Variants in XRRA1 observed in about 807,000 individuals in gnomAD.
XRRA1 encodes the protein X-ray radiation resistance-associated protein 1.
A neutral mutation model predicts 80.2 loss-of-function variants in XRRA1; 69 were observed. The observed-to-expected ratio is 0.86, with a 90% CI of 0.71 to 1.05. XRRA1 has a LOEUF of 1.05. Among genes scored for constraint, XRRA1 ranks in the 50% least tolerant of loss-of-function variants. XRRA1 has a pLI of 0.00. For missense variants in XRRA1, 967 were observed against 976.4 expected (o/e 0.99, Z 0.13); for synonymous variants, 348 against 389.9 (o/e 0.89, Z 1.27).
At chr11:74,859,643 T>G (rs1447946072) in intron 11 of XRRA1, among the ~76,000 whole-genome samples, 1 of 152,054 alleles carries the variant, frequency 6.6e-6, no homozygotes, top group Non-Finnish European at 1.5e-5. Context: ...TCTACACAGT[T>G]GGGCTAAAAT....
At chr11:74,887,205 C>G (rs1049453592) in intron 10 of XRRA1, among the ~76,000 whole-genome samples, 3 of 152,152 alleles carry the variant, frequency 2.0e-5, no homozygotes, top group Non-Finnish European at 4.4e-5. Flanking sequence ...GTGACAGAAA[C>G]AGTAATTGAC....
chr11:74,841,038 C>T lies in XRRA1; in HGVS notation c.*2162G>A, dbSNP rs988438323. 2 of 151,898 alleles carry T rather than the reference C, an allele frequency of 1.3e-5. No homozygotes were observed. Among genetic ancestry groups the T allele is most frequent in the South Asian group, 2.1e-4 (1 of 4,816 alleles). 9.4% of individuals were successfully genotyped at this position (151,898 alleles called of 1,614,324 possible). On this transcript the variant is annotated 3_prime_UTR_variant, in exon 19 of 19. Transcript: ENST00000684022. ...GAATACATGCTCAGGTAGAGAAAGTCTCCATAGTATAAGTAAGTAATATGA... is the reference window on the plus strand; with the variant it reads ...GAATACATGCTCAGGTAGAGAAAGTTTCCATAGTATAAGTAAGTAATATGA...
intron 10 of XRRA1, among the ~76,000 whole-genome samples, chr11:74,888,725 G>A (rs979660497): frequency 6.6e-6 from 1 of 152,178 alleles, no homozygotes; most frequent in Non-Finnish European, 1.5e-5. Context: ...GTCCTTAAAG[G>A]ACCTGATGGA....
intron 10 of XRRA1, chr11:74,876,591 A>G (rs1357761520): frequency 6.6e-6 from 1 of 152,048 alleles, no homozygotes; most frequent in Non-Finnish European, 1.5e-5. Flanking sequence ...ACCTAAGCCC[A>G]AGTTAGGAAG....
Position 74,920,735 on chromosome 11 carries a change from T to C in XRRA1, c.656+479A>G, listed in dbSNP as rs540587842. 4.6e-5 allele frequency among the ~76,000 whole-genome samples: 7 copies of C among 152,376 alleles called. No homozygotes were observed. In the South Asian group the frequency reaches 1.5e-3, roughly 32 times the overall value. ...AAAATGTGGATAATAATAGGAGACC[T>C]ACCTCACAGAGCTGTTATGAGGATT... On this transcript the variant is annotated intron_variant, in intron 8 of 18. Transcript: ENST00000684022.
chr11:74,906,532 A>G, intron 9 of XRRA1, 76 bp from the exon 10 acceptor site: 1 of 1,500,706 alleles, frequency 6.7e-7, no homozygotes, highest in East Asian at 2.3e-5. Flanking sequence ...AACTTTAGGG[A>G]AAAAACATGG....
intron 10 of XRRA1, among the ~76,000 whole-genome samples, chr11:74,897,787 G>T (rs2052711947): frequency 6.7e-6 from 1 of 148,514 alleles, no homozygotes; most frequent in Non-Finnish European, 1.5e-5. Context: ...GCATGAAGGA[G>T]AAATAAAAAC....
At chr11:74,882,774 A>C (rs2047976329) in intron 10 of XRRA1, among the ~76,000 whole-genome samples, 1 of 152,156 alleles carries the variant, frequency 6.6e-6, no homozygotes, top group Non-Finnish European at 1.5e-5. Flanking sequence ...CTGCCGTGTG[A>C]GGTGTCAGTG....
rs1216056598 is a variant in XRRA1, at chr11:74,940,778, A to G, written c.94+7T>C. 1 of 1,597,840 alleles carries G rather than the reference A, an allele frequency of 6.3e-7. No homozygotes were observed. The highest frequency in any genetic ancestry group is 2.3e-5 in the East Asian group (1 of 44,304). On this transcript the variant is annotated splice_region_variant and intron_variant, in intron 3 of 18. Transcript: ENST00000684022. ...GGAAAAGGTAGCTATTTGAGAAGTC[A>G]CCTGACCTTCCTCCGGCACGCGAAG...
At position 74,843,368 on chromosome 11, in the gene XRRA1, C is replaced by T. The variant is rs1310234480; in HGVS notation, c.2235G>A (p.Gln745=). The T allele has an allele frequency of 6.2e-7, 1 of 1,611,960 alleles. No homozygotes were observed. The highest frequency in any genetic ancestry group is 1.3e-5 in the African/African-American group (1 of 74,892). The change falls in exon 19 of 19, where the codon CAG becomes CAA. Residue 745 remains glutamine, a synonymous_variant. Coordinates refer to ENST00000684022, the MANE Select transcript of XRRA1 (RefSeq NM_001378157.1). ...LEAKRLLKEF[Q]ARYRQLVSGS... Reference sequence around the variant, plus strand: ...CACTCACCAGCTGCCGGTAACGTGCCTGGAACTCCTTCAACAGCCTCTTGG... The same window carrying T: ...CACTCACCAGCTGCCGGTAACGTGCTTGGAACTCCTTCAACAGCCTCTTGG...
At chr11:74,858,090 CAG>C (rs570246252) in intron 12 of XRRA1, among the ~76,000 whole-genome samples, 38 of 152,124 alleles carry the variant, frequency 2.5e-4, no homozygotes, top group Admixed American at 4.6e-4. Context: ...AGTAAAAGAA[CAG>C]AAAGTTATGA....
intron 7 of XRRA1, among the ~76,000 whole-genome samples, chr11:74,925,914 G>A (rs565933626): frequency 2.2e-4 from 34 of 152,302 alleles, no homozygotes; most frequent in African/African-American, 7.7e-4. Flanking sequence ...AAGTTCTTAA[G>A]AAGCTCCCAG....
chr11:74,843,691 C>T lies in XRRA1; in HGVS notation c.2149+163G>A. On this transcript the variant is annotated intron_variant, in intron 18 of 18. Transcript: ENST00000684022. ...ACATGCTGTGTGATTTTAGGCAACT[C>T]CCTGCCTCACGCTGGCTCTCCTTTT... The T allele has an allele frequency of 3.7e-6, 3 of 810,340 alleles. 1 individual carries two copies. In the South Asian group the frequency reaches 5.4e-5, roughly 15 times the overall value. The allele number at this position is 810,340 out of a possible 1,614,324, so 50.2% of individuals were successfully genotyped here. A position where few individuals can be genotyped will look rare whatever the true frequency, so the allele number is the denominator to read the frequency against.
At position 74,848,471 on chromosome 11, in the gene XRRA1, G is replaced by A. The variant is rs1306388023; in HGVS notation, c.1381-9C>T. On this transcript the variant is annotated splice_polypyrimidine_tract_variant and intron_variant, in intron 14 of 18. Transcript: ENST00000684022. ...GGGATTTCGCTTTTCACCTGTCATG[G>A]AGAAGGGCCAGAATGAATTTGCTTC... 1.3e-6 allele frequency: 2 copies of A among 1,594,858 alleles called. No homozygotes were observed. Among genetic ancestry groups the A allele is most frequent in the Non-Finnish European group, 8.6e-7 (1 of 1,168,618 alleles).
chr11:74,862,881 T>C (rs924284000), intron 11 of XRRA1, 100 bp downstream of exon 11: 2 of 1,090,878 alleles, frequency 1.8e-6, no homozygotes, highest in East Asian at 2.6e-5. Flanking sequence ...CAGTGTGATC[T>C]ATAGAAATGA....
intron 10 of XRRA1, among the ~76,000 whole-genome samples, chr11:74,892,058 A>C (rs1235230672): frequency 2.6e-5 from 4 of 152,192 alleles, no homozygotes; most frequent in Non-Finnish European, 5.9e-5. Context: ...AAACTACTTT[A>C]AAGTTCATAT....
chr11:74,885,544 C>T (rs1311586853), intron 10 of XRRA1, among the ~76,000 whole-genome samples: 4 of 152,050 alleles, frequency 2.6e-5, no homozygotes, highest in African/African-American at 9.7e-5. Context: ...CTGAATAGAC[C>T]AATAACAAGT....
intron 12 of XRRA1, among the ~76,000 whole-genome samples, chr11:74,854,109 A>C (rs868857017): frequency 6.6e-6 from 1 of 152,224 alleles, no homozygotes; most frequent in Non-Finnish European, 1.5e-5. Flanking sequence ...AAGAACATAC[A>C]ATTTGAAGAA....
chr11:74,881,018 G>T lies in XRRA1; in HGVS notation c.1004-17997C>A, dbSNP rs1473201127. On this transcript the variant is annotated intron_variant, in intron 10 of 18. Coordinates refer to ENST00000684022, the MANE Select transcript of XRRA1 (RefSeq NM_001378157.1). ...CTGAGTTCAATTCCTGGGTATCCTT[G>T]TTGACTTTCTGTCTCATTGATCTGT... Among the ~76,000 whole-genome samples, 4 of 143,950 alleles carry T rather than the reference G, an allele frequency of 2.8e-5. No individual in the cohort carries two copies. In the South Asian group the frequency reaches 9.4e-4, roughly 34 times the overall value. The allele number at this position is 143,950 out of a possible 152,430, so 94.4% of individuals were successfully genotyped here.
Sources: gnomAD v4.1 joint callset for allele counts (sites outside exome capture counted in the v4.1 genomes callset) on GRCh38, gnomAD v4.1.1 for gene constraint, MANE v1.5 for transcripts, NCBI Gene and HGNC (gene_info 2026-07-23, HGNC 2026-07-21) for gene names.